The following NUTF2 variants were observed in gnomAD, a reference collection of about 807,000 sequenced individuals.
The protein encoded by NUTF2 is placental protein 15.
NUTF2 carries 3 observed loss-of-function variants against 18.5 expected under a neutral mutation model. The observed-to-expected ratio is 0.16, with a 90% CI of 0.07 to 0.42. The LOEUF (loss-of-function observed/expected upper bound fraction) is 0.42. Ranked by LOEUF, NUTF2 falls within the 10% of genes least tolerant of loss-of-function variation. The pLI, the probability that NUTF2 is intolerant of heterozygous loss-of-function variation, is 0.99. For missense variants in NUTF2, 44 were observed against 160.7 expected (o/e 0.27, Z 3.93); for synonymous variants, 51 against 57.9 (o/e 0.88, Z 0.54).
intron 4 of NUTF2, chr16:67,870,558 G>T: frequency 2.0e-6 from 1 of 502,354 alleles, no homozygotes; most frequent in Non-Finnish European, 3.5e-6. Flanking sequence ...GAATTATTGT[G>T]CAGTTTAAGC....
At chr16:67,855,823 T>C in intron 1 of NUTF2, 2 of 370,680 alleles carry the variant, frequency 5.4e-6, no homozygotes, top group South Asian at 9.1e-5. Context: ...TCCATGGAGC[T>C]TGCTGATTTC....
At chr16:67,866,810 G>C (rs987365357) in intron 2 of NUTF2, among the ~76,000 whole-genome samples, 1 of 152,092 alleles carries the variant, frequency 6.6e-6, no homozygotes, top group African/African-American at 2.4e-5. Flanking sequence ...ATTTCACCAT[G>C]TTGGCTAGGC....
intron 3 of NUTF2, 32 bp from the exon 4 acceptor site, chr16:67,868,469 G>A: frequency 6.2e-7 from 1 of 1,613,710 alleles, no homozygotes; most frequent in Non-Finnish European, 8.5e-7. Flanking sequence ...TTCTGGCCTT[G>A]GTTCTCCCAC....
chr16:67,850,291 G>A (rs927594325), intron 1 of NUTF2, among the ~76,000 whole-genome samples: 5 of 149,522 alleles, frequency 3.3e-5, no homozygotes, highest in African/African-American at 9.9e-5. Context: ...TGCAAGCTCC[G>A]CCTCCCGGGT....
intron 1 of NUTF2, among the ~76,000 whole-genome samples, chr16:67,850,576 A>G (rs2057847076): frequency 6.6e-6 from 1 of 152,126 alleles, no homozygotes; most frequent in African/African-American, 2.4e-5. Flanking sequence ...AATTCGTTAA[A>G]TGTTTCTGGA....
chr16:67,864,456 C>T (rs2057955687), intron 1 of NUTF2, among the ~76,000 whole-genome samples: 2 of 149,968 alleles, frequency 1.3e-5, no homozygotes, highest in Admixed American at 1.3e-4. Flanking sequence ...TTGCAGTGAG[C>T]CAAGATCACG....
At chr16:67,856,108 G>T in intron 1 of NUTF2, 1 of 489,434 alleles carries the variant, frequency 2.0e-6, no homozygotes, top group Non-Finnish European at 3.9e-6. Flanking sequence ...GTATGGACAT[G>T]TTCTTGTAAC....
At chr16:67,857,017 G>A (rs553431509) in intron 1 of NUTF2, among the ~76,000 whole-genome samples, 8 of 152,356 alleles carry the variant, frequency 5.3e-5, no homozygotes. Context: ...CCACCACTCT[G>A]TGGACGCCAT....
At chr16:67,862,961 T>C (rs2057944419) in intron 1 of NUTF2, among the ~76,000 whole-genome samples, 1 of 152,206 alleles carries the variant, frequency 6.6e-6, no homozygotes, top group Non-Finnish European at 1.5e-5. Flanking sequence ...GCTTTTCCCC[T>C]ACCCTCAGAG....
intron 1 of NUTF2, among the ~76,000 whole-genome samples, chr16:67,864,524 A>G (rs1016782054): frequency 2.0e-5 from 3 of 151,386 alleles, no homozygotes; most frequent in African/African-American, 4.8e-5. Flanking sequence ...AAAAAAAAAA[A>G]AAAAAAAAAG....
At chr16:67,855,893 G>GT (rs201435435) in intron 1 of NUTF2, 5 of 447,366 alleles carry the variant, frequency 1.1e-5, no homozygotes, top group African/African-American at 2.1e-5. Context: ...TTGGCGGGGG[G>GT]GGGGGATGGG....
chr16:67,857,835 A>G (rs2057908022), intron 1 of NUTF2, among the ~76,000 whole-genome samples: 2 of 152,370 alleles, frequency 1.3e-5, no homozygotes, highest in South Asian at 4.1e-4. Context: ...CTGGGTGGAC[A>G]ACAAATAATT....
chr16:67,870,300 C>T (rs2058002610), intron 4 of NUTF2: 1 of 154,856 alleles, frequency 6.5e-6, no homozygotes, highest in Non-Finnish European at 1.4e-5. Flanking sequence ...TAGGTCTCAT[C>T]CTAGTTTTCT....
At chr16:67,861,123 G>A (rs2057932636) in intron 1 of NUTF2, among the ~76,000 whole-genome samples, 1 of 152,180 alleles carries the variant, frequency 6.6e-6, no homozygotes, top group Non-Finnish European at 1.5e-5. Flanking sequence ...ACTCTGGAGA[G>A]GCCTCCAAAT....
rs140700348 is a variant in NUTF2 at position 67,868,539 on chromosome 16, G to A, written c.210G>A (p.Ala70=). Residue 70 remains alanine, a synonymous_variant, in exon 4 of 5, where the codon GCG becomes GCA. Coordinates refer to ENST00000219169, the MANE Select transcript of NUTF2 (RefSeq NM_005796.3). The stretch of plus-strand genomic sequence containing the variant: ...AGAAAATTCAGCACAGCATCACCGC[G>A]CAGGACCATCAGCCCACTCCAGATA... ...PFQKIQHSIT[A]QDHQPTPDSC... is the part of the protein sequence containing the mutation. The A allele has an allele frequency of 3.8e-5, 61 of 1,613,890 alleles. No individual in the cohort carries two copies. Among genetic ancestry groups the A allele is most frequent in the South Asian group, 9.9e-5 (9 of 91,074 alleles).
chr16:67,856,078 C>T (rs1371831007), intron 1 of NUTF2: 4 of 632,310 alleles, frequency 6.3e-6, no homozygotes, highest in Admixed American at 4.6e-5. Flanking sequence ...TCTGGACGTC[C>T]CTGAAGAAGG....
intron 1 of NUTF2, among the ~76,000 whole-genome samples, chr16:67,848,221 T>C (rs2057822481): frequency 6.6e-6 from 1 of 152,128 alleles, no homozygotes; most frequent in Non-Finnish European, 1.5e-5. Flanking sequence ...AGAGAAGACC[T>C]TGGGACTAGG....
intron 2 of NUTF2, 38 bp from the exon 3 acceptor site, chr16:67,868,286 AGAGATACTTGTACTCT>A: frequency 6.5e-7 from 1 of 1,537,672 alleles, no homozygotes; most frequent in Non-Finnish European, 9.0e-7. Context: ...CCAGGGCCTT[AGAGATACTTGTACTCT>A]GAGGCCCCAA....
intron 1 of NUTF2, among the ~76,000 whole-genome samples, chr16:67,852,749 G>A (rs1461262636): frequency 1.3e-5 from 2 of 151,902 alleles, no homozygotes; most frequent in African/African-American, 4.8e-5. Context: ...GCGTGATCTC[G>A]GCTCACTGCA....
Sources: gnomAD v4.1 joint callset for allele counts (sites outside exome capture counted in the v4.1 genomes callset) on GRCh38, gnomAD v4.1.1 for gene constraint, MANE v1.5 for transcripts, NCBI Gene and HGNC (gene_info 2026-07-23, HGNC 2026-07-21) for gene names.